CEP128: variants seen among roughly 807,000 people sequenced by gnomAD.
CEP128 encodes the protein centrosomal protein 128kDa.
CEP128 carries 132 observed loss-of-function variants against 156.7 expected under a neutral mutation model. The observed-to-expected ratio is 0.84, with a 90% CI of 0.73 to 0.97. The LOEUF (loss-of-function observed/expected upper bound fraction) is 0.97, where lower values mean the gene tolerates loss of function less well. Among genes scored for constraint, CEP128 ranks in the 50% least tolerant of loss-of-function variants. CEP128 has a pLI of 0.00. For synonymous variants in CEP128, 469 were observed against 448.9 expected (o/e 1.04, Z -0.57); for missense variants, 1,252 against 1,281.9 (o/e 0.98, Z 0.36).
intron 18 of CEP128, among the ~76,000 whole-genome samples, chr14:80,756,069 T>C (rs1176744664): frequency 6.6e-6 from 1 of 152,168 alleles, no homozygotes; most frequent in Non-Finnish European, 1.5e-5. Context: ...TCTAAGTACA[T>C]TGCTCTTGTT....
intron 19 of CEP128, among the ~76,000 whole-genome samples, chr14:80,590,453 T>A (rs538371510): frequency 1.7e-4 from 26 of 152,116 alleles, no homozygotes; most frequent in South Asian, 1.0e-3. Context: ...TCACATTTTT[T>A]AAAAATGCTA....
At chr14:80,584,155 TTTTTTTTTG>T (rs1332122934) in intron 19 of CEP128, among the ~76,000 whole-genome samples, 17 of 110,476 alleles carry the variant, frequency 1.5e-4, no homozygotes, top group East Asian at 6.2e-4. Context: ...TTTTTTTTTT[TTTTTTTTTG>T]TTTGACAGCG....
At chr14:80,552,769 T>C (rs1160815651) in intron 21 of CEP128, among the ~76,000 whole-genome samples, 1 of 152,206 alleles carries the variant, frequency 6.6e-6, no homozygotes, top group Non-Finnish European at 1.5e-5. Flanking sequence ...CTTTTTCTAA[T>C]TGCTTTTTAG....
chr14:80,780,972 A>G (rs921407290), intron 15 of CEP128, among the ~76,000 whole-genome samples: 21 of 152,332 alleles, frequency 1.4e-4, no homozygotes, highest in Middle Eastern at 6.8e-3. Context: ...ACAGAAGACC[A>G]AGAGATTAGC....
downstream of CEP128, among the ~76,000 whole-genome samples, chr14:80,489,196 A>C (rs1459978833): frequency 6.6e-6 from 1 of 151,654 alleles, no homozygotes; most frequent in Non-Finnish European, 1.5e-5. Flanking sequence ...GAGGGAAAGA[A>C]TATTTTCCCC....
chr14:80,666,884 C>A (rs990862239), intron 19 of CEP128, among the ~76,000 whole-genome samples: 13 of 152,112 alleles, frequency 8.5e-5, no homozygotes, highest in Admixed American at 6.5e-5. Context: ...AAAGTAAGCA[C>A]TAATAAACTT....
chr14:80,624,942 T>A (rs1212660792), intron 19 of CEP128, among the ~76,000 whole-genome samples: 1 of 152,228 alleles, frequency 6.6e-6, no homozygotes, highest in Non-Finnish European at 1.5e-5. Flanking sequence ...TTTGTCTATT[T>A]CTGCTTTTGT....
intron 13 of CEP128, among the ~76,000 whole-genome samples, chr14:80,808,569 C>G (rs1884320297): frequency 6.6e-6 from 1 of 152,112 alleles, no homozygotes; most frequent in African/African-American, 2.4e-5. Context: ...TACCTGCATG[C>G]AAGCAAGCCA....
At chr14:80,630,429 A>C (rs1364699740) in intron 19 of CEP128, among the ~76,000 whole-genome samples, 1 of 152,018 alleles carries the variant, frequency 6.6e-6, no homozygotes, top group Non-Finnish European at 1.5e-5. Flanking sequence ...GTTTACACTT[A>C]GATGTGAGGT....
chr14:80,728,723 G>T (rs1898113448), intron 19 of CEP128, among the ~76,000 whole-genome samples: 1 of 152,048 alleles, frequency 6.6e-6, no homozygotes, highest in Non-Finnish European at 1.5e-5. Context: ...TCTCTTAATA[G>T]ATTATGTCTC....
intron 21 of CEP128, among the ~76,000 whole-genome samples, chr14:80,537,710 G>A (rs1010400498): frequency 5.9e-5 from 9 of 152,108 alleles, no homozygotes; most frequent in African/African-American, 2.2e-4. Context: ...GTTAAAATAT[G>A]AACAAACAGT....
At chr14:80,788,468 C>A (rs375972792) in intron 14 of CEP128, among the ~76,000 whole-genome samples, 95 of 152,008 alleles carry the variant, frequency 6.2e-4, no homozygotes, top group African/African-American at 2.2e-3. Context: ...CAAACAGAAA[C>A]GAACAAAACT....
chr14:80,616,015 T>C (rs1893197326), intron 19 of CEP128, among the ~76,000 whole-genome samples: 1 of 152,134 alleles, frequency 6.6e-6, no homozygotes, highest in African/African-American at 2.4e-5. Context: ...AGAAAGACTA[T>C]CTAAGCAATA....
intron 9 of CEP128, among the ~76,000 whole-genome samples, chr14:80,841,042 T>C (rs1380545197): frequency 6.6e-6 from 1 of 152,140 alleles, no homozygotes; most frequent in African/African-American, 2.4e-5. Flanking sequence ...ACAGTTTTCT[T>C]GGAAACAAAT....
intron 19 of CEP128, among the ~76,000 whole-genome samples, chr14:80,630,839 G>A (rs937159288): frequency 5.9e-5 from 9 of 151,954 alleles, no homozygotes; most frequent in Admixed American, 5.2e-4. Flanking sequence ...CCATCAGCAC[G>A]CATTGTAATA....
chr14:80,604,188 T>C (rs2140546446), intron 19 of CEP128, among the ~76,000 whole-genome samples: 1 of 152,274 alleles, frequency 6.6e-6, no homozygotes, highest in African/African-American at 2.4e-5. Context: ...ATAGATATGC[T>C]CATGTCCCTC....
At chr14:80,878,831 A>G (rs1888400169) in intron 8 of CEP128, among the ~76,000 whole-genome samples, 1 of 152,130 alleles carries the variant, frequency 6.6e-6, no homozygotes, top group Non-Finnish European at 1.5e-5. Flanking sequence ...GTTTCAGAAG[A>G]CAATGTGTGC....
chr14:80,495,528 T>A (rs1175434917), downstream of CEP128, among the ~76,000 whole-genome samples: 1 of 147,756 alleles, frequency 6.8e-6, no homozygotes, highest in African/African-American at 2.5e-5. Context: ...ATATAATGGC[T>A]TTTTTTTTTA....
intron 23 of CEP128, among the ~76,000 whole-genome samples, chr14:80,509,489 AT>A (rs1161660832): frequency 1.3e-5 from 2 of 151,960 alleles, no homozygotes; most frequent in Non-Finnish European, 2.9e-5. Flanking sequence ...AAATTATTAG[AT>A]TTTTTTCCCT....
Sources: gnomAD v4.1 joint callset for allele counts (sites outside exome capture counted in the v4.1 genomes callset) on GRCh38, gnomAD v4.1.1 for gene constraint, MANE v1.5 for transcripts, NCBI Gene and HGNC (gene_info 2026-07-23, HGNC 2026-07-21) for gene names.